Variants in KDM4C observed in about 807,000 individuals in gnomAD.
KDM4C encodes lysine-specific demethylase 4C.
Under a neutral mutation model 129.3 loss-of-function variants are expected in KDM4C, and 81 were observed. The observed-to-expected ratio is 0.63, with a 90% CI of 0.52 to 0.75. KDM4C has a LOEUF of 0.75. KDM4C is among the 30% of genes least tolerant of loss of function. The pLI, the probability that KDM4C is intolerant of heterozygous loss-of-function variation, is 0.00. For synonymous variants in KDM4C, 573 were observed against 456.1 expected, an observed-to-expected ratio of 1.26 and a Z score of -3.26; for missense variants, 1,457 against 1,304.0, an observed-to-expected ratio of 1.12 and a Z score of -1.81.
At chr9:6,761,844 C>T (rs1447440072) in intron 1 of KDM4C, among the ~76,000 whole-genome samples, 1 of 152,080 alleles carries the variant, frequency 6.6e-6, no homozygotes, top group East Asian at 1.9e-4. Context: ...TGGAGTCTCC[C>T]TCTGTCGCCC....
chr9:6,757,584 G>A, upstream of KDM4C: 3 of 971,896 alleles, frequency 3.1e-6, no homozygotes, highest in Non-Finnish European at 2.4e-6. Flanking sequence ...AGGCTCTCCA[G>A]TACATTCCGA....
chr9:7,080,421 T>G (rs1834398020), intron 17 of KDM4C, among the ~76,000 whole-genome samples: 1 of 152,142 alleles, frequency 6.6e-6, no homozygotes, highest in African/African-American at 2.4e-5. Context: ...AGAAGTGAGG[T>G]TCTGTTGTGT....
intron 1 of KDM4C, among the ~76,000 whole-genome samples, chr9:6,741,465 A>T (rs949942467): frequency 2.6e-5 from 4 of 152,030 alleles, no homozygotes; most frequent in African/African-American, 2.4e-5. Context: ...CATGCTATTT[A>T]CTCGGGTATT....
chr9:6,951,349 C>T (rs1184777148), intron 8 of KDM4C, among the ~76,000 whole-genome samples: 1 of 152,100 alleles, frequency 6.6e-6, no homozygotes, highest in African/African-American at 2.4e-5. Context: ...AAATTAAAAC[C>T]TGATAATAAA....
intron 8 of KDM4C, chr9:6,924,847 C>T (rs966522033): frequency 1.0e-6 from 1 of 982,954 alleles, no homozygotes; most frequent in Non-Finnish European, 1.2e-6. Context: ...ATAAGACAGG[C>T]TGTCCACTAT....
At chr9:6,977,364 G>A (rs1399756677) in intron 8 of KDM4C, among the ~76,000 whole-genome samples, 1 of 152,076 alleles carries the variant, frequency 6.6e-6, no homozygotes, top group African/African-American at 2.4e-5. Context: ...ATTCACTAGA[G>A]TTTTATTTTA....
intron 6 of KDM4C, among the ~76,000 whole-genome samples, chr9:6,884,301 C>T (rs985016379): frequency 6.6e-6 from 1 of 152,156 alleles, no homozygotes; most frequent in Non-Finnish European, 1.5e-5. Flanking sequence ...TCAAGTAGAG[C>T]TGTGGGTAAA....
chr9:7,061,330 G>A (rs1831638804), intron 17 of KDM4C, among the ~76,000 whole-genome samples: 1 of 152,184 alleles, frequency 6.6e-6, no homozygotes, highest in African/African-American at 2.4e-5. Flanking sequence ...CATGTCCTTT[G>A]AGAAACCTGT....
At chr9:6,849,310 G>C (rs771230677) in intron 4 of KDM4C, among the ~76,000 whole-genome samples, 197 bp from the exon 5 acceptor site, 3 of 152,168 alleles carry the variant, frequency 2.0e-5, no homozygotes, top group Admixed American at 6.5e-5. Flanking sequence ...ACCACATTAT[G>C]CTGGTAGTAA....
chr9:7,174,035 C>G (rs965082178), intron 21 of KDM4C, among the ~76,000 whole-genome samples: 4 of 152,160 alleles, frequency 2.6e-5, no homozygotes, highest in Non-Finnish European at 4.4e-5. Flanking sequence ...GAAGGAGAAG[C>G]AGGAGAGTGG....
intron 19 of KDM4C, among the ~76,000 whole-genome samples, chr9:7,146,441 A>G (rs977773782): frequency 2.6e-5 from 4 of 152,176 alleles, no homozygotes; most frequent in African/African-American, 9.7e-5. Context: ...CTTTGTCAAA[A>G]TTTCATTTTT....
In KDM4C at chr9:6,888,067, T is replaced by C. The variant is rs780761334; in HGVS notation, c.783+4T>C. On this transcript the variant is annotated splice_donor_region_variant and intron_variant, in intron 7 of 21. Coordinates refer to ENST00000381309, the MANE Select transcript of KDM4C (RefSeq NM_015061.6). The stretch of plus-strand genomic sequence containing the variant: ...ATATGGTATTCCCTTTGACAAGGTA[T>C]GTTAGTATTCATCTTACACAAATTA... 4.2e-6 allele frequency: 6 copies of C among 1,433,414 alleles called. No homozygotes were observed. In the Admixed American group the frequency reaches 9.0e-5, roughly 21 times the overall value. The allele number at this position is 1,433,414 out of a possible 1,614,324, so 88.8% of individuals were successfully genotyped here. A position where few individuals can be genotyped will look rare whatever the true frequency, so the allele number is the denominator to read the frequency against.
intron 8 of KDM4C, among the ~76,000 whole-genome samples, chr9:6,902,945 A>G (rs945646475): frequency 1.3e-5 from 2 of 152,200 alleles, no homozygotes; most frequent in African/African-American, 2.4e-5. Flanking sequence ...CTTCAGAAAC[A>G]CAGTGTAGCT....
chr9:7,037,563 A>G (rs953384921), intron 15 of KDM4C, among the ~76,000 whole-genome samples: 1 of 152,180 alleles, frequency 6.6e-6, no homozygotes, highest in Non-Finnish European at 1.5e-5. Context: ...CTAACTTTTC[A>G]TCTCAGTGGT....
chr9:6,990,440 T>A lies in KDM4C; in HGVS notation c.1702T>A (p.Ser568Thr). The stretch of plus-strand genomic sequence containing the variant: ...GATAGCAGAGGGAGAGAACAAAACC[T>A]CTAAGAGTTGGCGCCATCCACTTAG... ...PSIAEGENKT[S>T]KSWRHPLSRP... is the part of the protein sequence containing the mutation. The change falls in exon 12 of 22, where the codon TCT becomes ACT. Residue 568 changes from serine to threonine, a missense_variant. Transcript: ENST00000381309. 1 of 1,613,152 alleles carries A rather than the reference T, an allele frequency of 6.2e-7. No individual in the cohort carries two copies. The highest frequency in any genetic ancestry group is 8.5e-7 in the Non-Finnish European group (1 of 1,179,604).
intron 14 of KDM4C, 96 bp downstream of exon 14, chr9:7,014,097 G>C: frequency 1.1e-6 from 1 of 894,196 alleles, no homozygotes; most frequent in South Asian, 1.6e-5. Flanking sequence ...CTGTTGCATG[G>C]ACTATTGGCA....
At chr9:6,952,629 C>T (rs1012003397) in intron 8 of KDM4C, among the ~76,000 whole-genome samples, 19 of 147,904 alleles carry the variant, frequency 1.3e-4, no homozygotes, top group African/African-American at 4.6e-4. Context: ...TTAGTAGAGA[C>T]GGGGTTTCAC....
At chr9:6,891,831 A>C (rs1186421213) in intron 7 of KDM4C, among the ~76,000 whole-genome samples, 2 of 152,160 alleles carry the variant, frequency 1.3e-5, no homozygotes. Context: ...ATATTTAATA[A>C]ATATATTTCT....
chr9:7,125,089 C>T (rs1839897882), intron 18 of KDM4C, among the ~76,000 whole-genome samples: 1 of 152,110 alleles, frequency 6.6e-6, no homozygotes, highest in South Asian at 2.1e-4. Context: ...TTTAGATTCC[C>T]TAGGATGGCA....
Sources: allele counts gnomAD v4.1 joint callset (sites outside exome capture counted in the v4.1 genomes callset), GRCh38; gene constraint gnomAD v4.1.1; transcripts MANE v1.5; gene names NCBI Gene and HGNC (gene_info 2026-07-23, HGNC 2026-07-21).